CEACAM4: variants seen among roughly 807,000 people sequenced by gnomAD.
CEACAM4 encodes the protein cell adhesion molecule CEACAM4.
In CEACAM4, 30 loss-of-function variants were observed where a neutral mutation model predicts 28.7. The observed-to-expected ratio is 1.05, with a 90% CI of 0.78 to 1.42. The LOEUF (loss-of-function observed/expected upper bound fraction) is 1.42. CEACAM4 is among the 40% of genes most tolerant of loss of function. The pLI, the probability that CEACAM4 is intolerant of heterozygous loss-of-function variation, is 0.00. For missense variants in CEACAM4, 330 were observed against 308.2 expected, an observed-to-expected ratio of 1.07 and a Z score of -0.53; for synonymous variants, 143 against 126.5, an observed-to-expected ratio of 1.13 and a Z score of -0.87.
chr19:41,616,883 A>G (rs981700729), downstream of CEACAM4, among the ~76,000 whole-genome samples: 1 of 152,212 alleles, frequency 6.6e-6, no homozygotes, highest in Non-Finnish European at 1.5e-5. Flanking sequence ...CCATGAGGCC[A>G]AAGCAGGCTG....
intron 1 of CEACAM4, among the ~76,000 whole-genome samples, chr19:41,626,685 C>A (rs1212282900): frequency 6.6e-6 from 1 of 152,284 alleles, no homozygotes; most frequent in African/African-American, 2.4e-5. Context: ...ATTTTCCTGC[C>A]TTTTACCAAT....
chr19:41,626,062 G>T, intron 1 of CEACAM4, 102 bp from the exon 2 acceptor site: 1 of 634,070 alleles, frequency 1.6e-6, no homozygotes, highest in East Asian at 3.4e-5. Context: ...CTCAGCCTTG[G>T]AGTGTGTGTG....
chr19:41,617,901 G>C (rs1438787718), downstream of CEACAM4, among the ~76,000 whole-genome samples: 1 of 149,294 alleles, frequency 6.7e-6, no homozygotes, highest in African/African-American at 2.5e-5. Flanking sequence ...GCTGTGTGCA[G>C]GTGGGATCAG....
downstream of CEACAM4, among the ~76,000 whole-genome samples, chr19:41,617,445 G>A (rs975893730): frequency 1.3e-5 from 2 of 152,130 alleles, no homozygotes; most frequent in Non-Finnish European, 2.9e-5. Context: ...ACAGAACAAG[G>A]GCCTCTCAAA....
Position 41,626,974 on chromosome 19 carries a change from G to T in CEACAM4, c.-11C>A, listed in dbSNP as rs782771549. The T allele has an allele frequency of 1.3e-6, 2 of 1,599,752 alleles. No homozygotes were observed. Among genetic ancestry groups the T allele is most frequent in the South Asian group, 2.2e-5 (2 of 89,800 alleles). On this transcript the variant is annotated 5_prime_UTR_variant, in exon 1 of 7. Transcript: ENST00000221954. ...TGAGGGGGGGCCCATGGTCTCTGCTGCCTGCTTGTCCTCTGTGGAGAGGAG... is the reference window on the plus strand; with the variant it reads ...TGAGGGGGGGCCCATGGTCTCTGCTTCCTGCTTGTCCTCTGTGGAGAGGAG...
At chr19:41,614,740 C>A (rs1368843376), downstream of CEACAM4, among the ~76,000 whole-genome samples, 1 of 152,162 alleles carries the variant, frequency 6.6e-6, no homozygotes. Flanking sequence ...GTAACCCCTG[C>A]AAAATCTGTG....
intron 2 of CEACAM4, among the ~76,000 whole-genome samples, chr19:41,622,147 G>T (rs1333928180): frequency 1.3e-5 from 2 of 151,384 alleles, no homozygotes; most frequent in African/African-American, 4.9e-5. Flanking sequence ...ACGCAATCTC[G>T]GCTCACTGCA....
At chr19:41,626,039 G>C in intron 1 of CEACAM4, 79 bp from the exon 2 acceptor site, 1 of 1,333,004 alleles carries the variant, frequency 7.5e-7, no homozygotes, top group South Asian at 1.4e-5. Context: ...GTCCTCAGCA[G>C]GTCTCCTCAT....
chr19:41,614,008 T>C, the CEACAM4 span, among the ~76,000 whole-genome samples: 2,163 of 152,370 alleles, frequency 0.014, 47 homozygotes, highest in African/African-American at 0.048. Flanking sequence ...AATATCATCA[T>C]TTTTCATTCT....
chr19:41,625,879 T>C lies in CEACAM4; in HGVS notation c.146A>G (p.Lys49Arg), dbSNP rs2071614319. Residue 49 changes from lysine to arginine, a missense_variant, in exon 2 of 7, where the codon AAG (lysine) becomes AGG (arginine). Physicochemically the swap from Lys to Arg is conservative, Grantham distance 26. Transcript: ENST00000221954. The part of the protein sequence containing the change: ...EALPSSAAEG[K>R]DVLLLACNIS... ...ATTGCAGGCCAGTAGAAGAACATCC[T>C]TTCCCTCTGCAGCACTGGACGGCAG... 1.9e-6 allele frequency: 3 copies of C among 1,613,992 alleles called. No homozygotes were observed. The Admixed American group carries it at 5.0e-5, about 27-fold the overall frequency.
Position 41,625,875 on chromosome 19 carries a change from A to T in CEACAM4, c.150T>A (p.Asp50Glu). 1 of 1,614,044 alleles carries T rather than the reference A, an allele frequency of 6.2e-7. No homozygotes were observed. Among genetic ancestry groups the T allele is most frequent in the Non-Finnish European group, 8.5e-7 (1 of 1,179,976 alleles). Residue 50 changes from aspartate to glutamate, a missense_variant, in exon 2 of 7, where the codon GAT becomes GAA. Coordinates refer to ENST00000221954, the MANE Select transcript of CEACAM4 (RefSeq NM_001817.4). ...ALPSSAAEGK[D>E]VLLLACNISE... ...AAATATTGCAGGCCAGTAGAAGAAC[A>T]TCCTTTCCCTCTGCAGCACTGGACG...
At chr19:41,625,515 A>G in intron 2 of CEACAM4, 86 bp downstream of exon 2, 3 of 1,456,232 alleles carry the variant, frequency 2.1e-6, no homozygotes, top group East Asian at 2.3e-5. Flanking sequence ...GCAGAGGGGG[A>G]TGCAGGCACA....
In CEACAM4 at chr19:41,619,563, C is replaced by A. The variant is rs141769106; in HGVS notation, c.669+107G>T. The stretch of plus-strand genomic sequence containing the variant: ...TCCTCTGCTCACCACCACCTGTTCT[C>A]ATTTTCACTGCATTTTCCTGAATCT... On this transcript the variant is annotated intron_variant, in intron 6 of 6. Coordinates refer to ENST00000221954, the MANE Select transcript of CEACAM4 (RefSeq NM_001817.4). 4 of 1,550,868 alleles carry A rather than the reference C, an allele frequency of 2.6e-6. No homozygotes were observed. The African/African-American group carries it at 4.1e-5, about 16-fold the overall frequency.
intron 2 of CEACAM4, among the ~76,000 whole-genome samples, chr19:41,624,532 T>C (rs1245745653): frequency 2.0e-5 from 3 of 152,128 alleles, no homozygotes; most frequent in African/African-American, 7.2e-5. Context: ...TACTCATAAC[T>C]CTCCAGACCA....
chr19:41,616,969 A>G (rs1292958504), downstream of CEACAM4, among the ~76,000 whole-genome samples: 3 of 152,206 alleles, frequency 2.0e-5, no homozygotes, highest in Non-Finnish European at 4.4e-5. Flanking sequence ...GCTAAAAACC[A>G]TGATATCCAG....
chr19:41,614,983 G>A (rs1331585223), downstream of CEACAM4, among the ~76,000 whole-genome samples: 12 of 151,854 alleles, frequency 7.9e-5, no homozygotes, highest in African/African-American at 2.7e-4. Flanking sequence ...GGAAGGGGAA[G>A]GGGAAGGGAA....
At position 41,625,944 on chromosome 19, in the gene CEACAM4, G is replaced by A. The variant is rs781925679; in HGVS notation, c.81C>T (p.Phe27=). The change falls in exon 2 of 7, where the codon TTC becomes TTT. Residue 27 remains phenylalanine (F), a synonymous_variant. Coordinates refer to ENST00000221954, the MANE Select transcript of CEACAM4 (RefSeq NM_001817.4). ...ACTGGACAGTGGTGGGCGGGTGCCA[G>A]AAGGTTAAAAGTGAGGCTAGGAGGT... is the stretch of plus-strand genomic sequence containing the variant. ...GLLITASLLT[F]WHPPTTVQFT... 4.3e-6 allele frequency: 7 copies of A among 1,610,916 alleles called. No individual in the cohort carries two copies. Among genetic ancestry groups the A allele is most frequent in the African/African-American group, 2.7e-5 (2 of 74,762 alleles).
chr19:41,623,299 G>A (rs11666182), intron 2 of CEACAM4, among the ~76,000 whole-genome samples: 5 of 152,122 alleles, frequency 3.3e-5, no homozygotes, highest in Admixed American at 2.0e-4. Flanking sequence ...TTACAGGCAT[G>A]AGCCACCGCT....
downstream of CEACAM4, among the ~76,000 whole-genome samples, chr19:41,616,534 TAG>T (rs2070986935): frequency 1.4e-5 from 2 of 139,656 alleles, no homozygotes; most frequent in Non-Finnish European, 3.2e-5. Flanking sequence ...GATAGATAGA[TAG>T]ATAGATAGAT....
Sources: gnomAD v4.1 joint callset for allele counts (sites outside exome capture counted in the v4.1 genomes callset) on GRCh38, gnomAD v4.1.1 for gene constraint, MANE v1.5 for transcripts, NCBI Gene and HGNC (gene_info 2026-07-23, HGNC 2026-07-21) for gene names.